PPP2R2B: variants seen among roughly 807,000 people sequenced by gnomAD.
PPP2R2B encodes the protein protein phosphatase 2 regulatory subunit Bbeta.
A neutral mutation model predicts 46.0 loss-of-function variants in PPP2R2B; 5 were observed. The observed-to-expected ratio is 0.11, with a 90% CI of 0.06 to 0.23. The LOEUF (loss-of-function observed/expected upper bound fraction) is 0.23, where lower values mean the gene tolerates loss of function less well. Among genes scored for constraint, PPP2R2B ranks in the 10% least tolerant of loss-of-function variants. The pLI, the probability that PPP2R2B is intolerant of heterozygous loss-of-function variation, is 1.00. For missense variants in PPP2R2B, 367 were observed against 575.0 expected, an observed-to-expected ratio of 0.64 and a Z score of 3.70; for synonymous variants, 215 against 206.7, an observed-to-expected ratio of 1.04 and a Z score of -0.34.
intron 2 of PPP2R2B, among the ~76,000 whole-genome samples, chr5:146,825,853 T>C (rs1326426934): frequency 6.6e-6 from 1 of 152,230 alleles, no homozygotes; most frequent in Non-Finnish European, 1.5e-5. Context: ...CTTTTTTTGT[T>C]GTTGGTATCA....
chr5:146,918,300 G>T (rs1016076370), intron 1 of PPP2R2B: 3 of 152,162 alleles, frequency 2.0e-5, no homozygotes, highest in African/African-American at 4.8e-5. Context: ...AGCCTTTCAG[G>T]ATTTCCATGT....
intron 7 of PPP2R2B, among the ~76,000 whole-genome samples, chr5:146,619,730 C>G (rs756343884): frequency 2.0e-5 from 3 of 152,174 alleles, no homozygotes; most frequent in Non-Finnish European, 4.4e-5. Flanking sequence ...CTGTGGTGCA[C>G]TGGCATGTGC....
At chr5:146,860,830 C>G (rs1196073335) in intron 2 of PPP2R2B, among the ~76,000 whole-genome samples, 2 of 152,048 alleles carry the variant, frequency 1.3e-5, no homozygotes, top group Non-Finnish European at 2.9e-5. Flanking sequence ...TGCTCAGTCC[C>G]CTTATAAAAT....
Position 146,898,598 on chromosome 5 carries a change from G to A in PPP2R2B, c.79+157067C>T, listed in dbSNP as rs530333491. 2.0e-5 allele frequency among the ~76,000 whole-genome samples: 3 copies of A among 150,092 alleles called. No individual in the cohort carries two copies. In the East Asian group the frequency reaches 5.9e-4, roughly 29 times the overall value. On this transcript the variant is annotated intron_variant, in intron 1 of 8. Transcript: ENST00000336640. ...TCATGTCTGAAACACCAAAAGCAAT[G>A]GCAACAAAAGCCAAAATTGACAAAT...
intron 2 of PPP2R2B, among the ~76,000 whole-genome samples, chr5:146,736,807 C>T (rs2085633156): frequency 6.6e-6 from 1 of 152,152 alleles, no homozygotes. Context: ...CAGTCATTAC[C>T]TAGTGGTATA....
At chr5:146,701,487 C>A (rs1209924837) in intron 2 of PPP2R2B, among the ~76,000 whole-genome samples, 1 of 152,188 alleles carries the variant, frequency 6.6e-6, no homozygotes, top group Non-Finnish European at 1.5e-5. Flanking sequence ...CTTCGTGCAT[C>A]CACGGCCTTT....
At chr5:146,754,477 C>T (rs1753729797) in intron 2 of PPP2R2B, among the ~76,000 whole-genome samples, 1 of 152,116 alleles carries the variant, frequency 6.6e-6, no homozygotes, top group Non-Finnish European at 1.5e-5. Flanking sequence ...TGCACTATGC[C>T]ATATGTAGTG....
chr5:146,634,044 T>G (rs978984364), intron 7 of PPP2R2B, among the ~76,000 whole-genome samples: 3 of 152,204 alleles, frequency 2.0e-5, no homozygotes, highest in African/African-American at 7.2e-5. Flanking sequence ...GACTGAGCCA[T>G]GGGCTGCCCA....
At chr5:146,770,126 C>T (rs369134388) in intron 2 of PPP2R2B, among the ~76,000 whole-genome samples, 73 of 151,808 alleles carry the variant, frequency 4.8e-4, no homozygotes, top group East Asian at 4.1e-3. Flanking sequence ...GTCAGCAGTT[C>T]GAGACCAGCC....
At chr5:146,668,627 G>A (rs1777152214) in intron 5 of PPP2R2B, among the ~76,000 whole-genome samples, 2 of 152,204 alleles carry the variant, frequency 1.3e-5, no homozygotes, top group South Asian at 2.1e-4. Flanking sequence ...ACACTTTCAT[G>A]TTATTCACTA....
At chr5:146,638,164 G>C (rs1774945137) in intron 7 of PPP2R2B, 87 bp downstream of exon 7, 4 of 1,398,150 alleles carry the variant, frequency 2.9e-6, no homozygotes, top group Non-Finnish European at 3.9e-6. Flanking sequence ...GTCTGGTGTA[G>C]AAAGGGAGAT....
intron 2 of PPP2R2B, among the ~76,000 whole-genome samples, chr5:146,747,978 A>G (rs1753295781): frequency 6.6e-6 from 1 of 152,152 alleles, no homozygotes; most frequent in African/African-American, 2.4e-5. Context: ...GAGATGTTCC[A>G]GGGCTGAACC....
Position 146,850,759 on chromosome 5 carries a change from ATCTTTATTAT to A in PPP2R2B, c.70+27233_70+27242del. Among the ~76,000 whole-genome samples, 4 of 152,288 alleles carry A rather than the reference ATCTTTATTAT, an allele frequency of 2.6e-5. 1 individual carries two copies. The Middle Eastern group carries it at 0.014, about 518-fold the overall frequency. ...TTGTCACGGTTGCAATTGTACATTT[ATCTTTATTAT>A]TCTTTATTAATATATTTCCCCAGAG... On this transcript the variant is annotated intron_variant, in intron 2 of 9. Coordinates refer to ENST00000394411, the MANE Select transcript of PPP2R2B (RefSeq NM_181675.4).
Position 146,691,213 on chromosome 5 carries a change from C to T in PPP2R2B, c.362G>A (p.Ser121Asn). ...GCCTTCTGGCCTCTTATCACGCTCG[C>T]TGACTTTCCACAGCTTCACAGTTTT... ...NDKTVKLWKV[S>N]ERDKRPEGYN... The change falls in exon 5 of 10, where the codon AGC becomes AAC. Residue 121 changes from serine to asparagine, a missense_variant. Transcript: ENST00000394411. 2.5e-6 allele frequency: 4 copies of T among 1,614,116 alleles called. No individual in the cohort carries two copies. The highest frequency in any genetic ancestry group is 2.5e-6 in the Non-Finnish European group (3 of 1,180,026).
chr5:146,834,755 T>C (rs1156936510), intron 2 of PPP2R2B, among the ~76,000 whole-genome samples: 2 of 152,178 alleles, frequency 1.3e-5, no homozygotes, highest in Admixed American at 6.6e-5. Context: ...TATGTAGCCT[T>C]CCAATCCATG....
chr5:146,856,277 T>A (rs1319393423), intron 2 of PPP2R2B, among the ~76,000 whole-genome samples: 3 of 152,250 alleles, frequency 2.0e-5, no homozygotes, highest in Non-Finnish European at 2.9e-5. Flanking sequence ...ATGTTCTTGT[T>A]CTTAAAACAG....
intron 2 of PPP2R2B, among the ~76,000 whole-genome samples, chr5:146,773,261 C>T (rs774564428): frequency 1.3e-5 from 2 of 152,140 alleles, no homozygotes; most frequent in East Asian, 1.9e-4. Flanking sequence ...ACTGCACAGC[C>T]GTTTGCATTC....
intron 2 of PPP2R2B, among the ~76,000 whole-genome samples, chr5:146,816,191 C>T (rs541721189): frequency 6.6e-6 from 1 of 152,178 alleles, no homozygotes; most frequent in African/African-American, 2.4e-5. Context: ...CTCGCTTGAG[C>T]CCAGGAGTTT....
chr5:147,044,996 G>A (rs2151898976), intron 1 of PPP2R2B, among the ~76,000 whole-genome samples: 2 of 152,270 alleles, frequency 1.3e-5, no homozygotes, highest in South Asian at 4.2e-4. Context: ...AGAACAGAAT[G>A]TGTTTCTGCC....
Sources: allele counts gnomAD v4.1 joint callset (sites outside exome capture counted in the v4.1 genomes callset), GRCh38; gene constraint gnomAD v4.1.1; transcripts MANE v1.5; gene names NCBI Gene and HGNC (gene_info 2026-07-23, HGNC 2026-07-21).